Variants in NDUFA9 observed in about 807,000 individuals in gnomAD.
NDUFA9 encodes NADH dehydrogenase [ubiquinone] 1 alpha subcomplex subunit 9, mitochondrial.
NDUFA9 carries 23 observed loss-of-function variants against 45.9 expected under a neutral mutation model. The ratio of observed to expected loss-of-function variants is 0.50; its 90% CI spans 0.36 to 0.71. The LOEUF (loss-of-function observed/expected upper bound fraction) is 0.71, where lower values mean the gene tolerates loss of function less well. NDUFA9 is among the 30% of genes least tolerant of loss of function. The probability of loss-of-function intolerance (pLI) is 0.00; values close to 1 mark genes in which losing one functional copy is unlikely to be tolerated. For synonymous variants in NDUFA9, 176 were observed against 170.5 expected (o/e 1.03, Z -0.25); for missense variants, 466 against 488.2 (o/e 0.95, Z 0.43).
chr12:4,682,330 CTGAAAAAG>C, intron 9 of NDUFA9, 30 bp downstream of exon 9: 1 of 1,511,870 alleles, frequency 6.6e-7, no homozygotes, highest in Non-Finnish European at 9.2e-7. Context: ...TGTGTGACTT[CTGAAAAAG>C]CCAGCTCCAC....
chr12:4,660,106 G>C (rs1385445700), intron 5 of NDUFA9, among the ~76,000 whole-genome samples: 1 of 152,138 alleles, frequency 6.6e-6, no homozygotes, highest in Admixed American at 6.5e-5. Context: ...GAAGCCACTG[G>C]GTAGATGATA....
intron 6 of NDUFA9, among the ~76,000 whole-genome samples, chr12:4,665,971 AAAT>A (rs920718199): frequency 6.6e-6 from 1 of 151,940 alleles, no homozygotes; most frequent in Non-Finnish European, 1.5e-5. Flanking sequence ...CTGGCTTAAA[AAAT>A]ATATATATTT....
intron 3 of NDUFA9, 101 bp downstream of exon 3, chr12:4,655,023 A>G (rs1945781708): frequency 1.1e-6 from 1 of 939,166 alleles, no homozygotes; most frequent in Non-Finnish European, 1.6e-6. Flanking sequence ...TCTTCCCAGA[A>G]TGGACCAAAG....
At chr12:4,680,117 A>G (rs754693024) in intron 8 of NDUFA9, among the ~76,000 whole-genome samples, 35 of 152,180 alleles carry the variant, frequency 2.3e-4, no homozygotes, top group African/African-American at 2.4e-5. Flanking sequence ...AGTGGGTCAG[A>G]AAAGTGTGTG....
In NDUFA9 at chr12:4,656,066, C is replaced by T. The variant is rs531533433; in HGVS notation, c.318+1144C>T. On this transcript the variant is annotated intron_variant, in intron 3 of 10. Coordinates refer to ENST00000266544, the MANE Select transcript of NDUFA9 (RefSeq NM_005002.5). ...TATACATTTTCCCTTTTAAAAAATA[C>T]TTGCTAAACTTTCTTACTATCTCTG... 3 of 152,322 alleles carry T rather than the reference C, an allele frequency of 2.0e-5. No individual in the cohort carries two copies. The South Asian group carries it at 6.2e-4, about 32-fold the overall frequency. The allele number at this position is 152,322 out of a possible 1,614,324, so 9.4% of individuals were successfully genotyped here.
Position 4,659,009 on chromosome 12 carries a change from C to T in NDUFA9, c.411-27C>T, listed in dbSNP as rs1401676399. 5.0e-6 allele frequency: 8 copies of T among 1,604,048 alleles called. No homozygotes were observed. In the East Asian group the frequency reaches 1.3e-4, roughly 27 times the overall value. ...GAGATCCTGTGTGTGGAGTTCTTAA[C>T]CAATCCTTTTATTTTTTATCTTCCA... On this transcript the variant is annotated intron_variant, in intron 4 of 10. Transcript: ENST00000266544.
intron 6 of NDUFA9, among the ~76,000 whole-genome samples, chr12:4,664,413 T>C (rs779698788): frequency 2.2e-4 from 33 of 152,222 alleles, no homozygotes; most frequent in Non-Finnish European, 7.3e-5. Flanking sequence ...CACAGAGCTA[T>C]TTGGCTGTGA....
At chr12:4,668,599 TG>T in intron 7 of NDUFA9, 75 bp downstream of exon 7, 1 of 1,345,164 alleles carries the variant, frequency 7.4e-7, no homozygotes, top group Non-Finnish European at 1.1e-6. Flanking sequence ...TTTCTGGTTT[TG>T]TCCTAATTTA....
intron 1 of NDUFA9, chr12:4,653,480 C>T (rs1945771059): frequency 5.9e-6 from 2 of 339,562 alleles, no homozygotes; most frequent in South Asian, 4.8e-5. Context: ...TCTTTGCACA[C>T]ATGCTGTAGA....
intron 1 of NDUFA9, among the ~76,000 whole-genome samples, chr12:4,650,194 G>A (rs1398645398): frequency 6.6e-6 from 1 of 152,146 alleles, no homozygotes; most frequent in Non-Finnish European, 1.5e-5. Flanking sequence ...ACCACAGATA[G>A]GCTTGATGTT....
At position 4,661,533 on chromosome 12, in the gene NDUFA9, GTTC is replaced by G. The variant is rs146213662; in HGVS notation, c.553-995_553-993del. On this transcript the variant is annotated intron_variant, in intron 5 of 10. Coordinates refer to ENST00000266544, the MANE Select transcript of NDUFA9 (RefSeq NM_005002.5). ...GCATGGCCCAAGGGAGGCCAATGGA[GTTC>G]TTCTAGGATTAGAATTTTGCCTGGT... Among the ~76,000 whole-genome samples, 277 of 152,058 alleles carry G rather than the reference GTTC, an allele frequency of 1.8e-3. 3 individuals are homozygous for G. In the East Asian group the frequency reaches 0.029, roughly 16 times the overall value.
At chr12:4,662,024 C>T (rs907980884) in intron 5 of NDUFA9, among the ~76,000 whole-genome samples, 6 of 152,108 alleles carry the variant, frequency 3.9e-5, no homozygotes, top group African/African-American at 9.7e-5. Flanking sequence ...ATATCTTCAT[C>T]GAACAAGAAG....
chr12:4,668,622 A>G (rs1945867460), intron 7 of NDUFA9, 98 bp downstream of exon 7: 1 of 1,116,104 alleles, frequency 9.0e-7, no homozygotes, highest in Non-Finnish European at 1.4e-6. Flanking sequence ...TAACTCTGTC[A>G]TTTTCTTTGT....
intron 6 of NDUFA9, chr12:4,667,512 CT>C (rs11335422): frequency 0.46 from 72,580 of 156,866 alleles, 13,132 homozygotes; most frequent in African/African-American, 0.51. Flanking sequence ...AATTTCTACT[CT>C]TTTTTTTTTT....
chr12:4,687,255 G>A lies in NDUFA9; in HGVS notation c.*147G>A, dbSNP rs1945993502. The A allele has an allele frequency of 1.2e-5, 9 of 728,610 alleles. No homozygotes were observed. The highest frequency in any genetic ancestry group is 6.3e-6 in the Non-Finnish European group (3 of 479,224). The allele number at this position is 728,610 out of a possible 1,614,324, so 45.1% of individuals were successfully genotyped here. A position where few individuals can be genotyped will look rare whatever the true frequency, so the allele number is the denominator to read the frequency against. Reference sequence around the variant, plus strand: ...TGAATTCTGCAGTATTTTCTTCCTTGATTTACAAAATGAGAAATGTAGTCA... The same window carrying A: ...TGAATTCTGCAGTATTTTCTTCCTTAATTTACAAAATGAGAAATGTAGTCA... On this transcript the variant is annotated 3_prime_UTR_variant, in exon 11 of 11. Transcript: ENST00000266544.
intron 6 of NDUFA9, among the ~76,000 whole-genome samples, chr12:4,667,199 T>C (rs1423323290): frequency 6.6e-6 from 1 of 152,168 alleles, no homozygotes; most frequent in Non-Finnish European, 1.5e-5. Flanking sequence ...GCTAGCTGAA[T>C]GCTTCATGAA....
chr12:4,652,727 A>G (rs1342690224), intron 1 of NDUFA9, among the ~76,000 whole-genome samples: 1 of 152,256 alleles, frequency 6.6e-6, no homozygotes, highest in African/African-American at 2.4e-5. Context: ...GATAGCATTA[A>G]AAAAGATAAT....
At chr12:4,686,714 C>T (rs1321667872) in intron 10 of NDUFA9, among the ~76,000 whole-genome samples, 1 of 152,130 alleles carries the variant, frequency 6.6e-6, no homozygotes, top group Non-Finnish European at 1.5e-5. Flanking sequence ...CTGGGGACCT[C>T]GATCTGATAC....
Position 4,693,568 on chromosome 12 carries a change from C to A in NDUFA9, c.*6460C>A, listed in dbSNP as rs1393126759. 1 of 152,176 alleles carries A rather than the reference C, an allele frequency of 6.6e-6. No homozygotes were observed. Among genetic ancestry groups the A allele is most frequent in the Non-Finnish European group, 1.5e-5 (1 of 68,068 alleles). The allele number at this position is 152,176 out of a possible 1,614,324, so 9.4% of individuals were successfully genotyped here. A position where few individuals can be genotyped will look rare whatever the true frequency, so the allele number is the denominator to read the frequency against. On this transcript the variant is annotated 3_prime_UTR_variant, in exon 11 of 11. Transcript: ENST00000266544. ...GGGTCTTTGCTGACAGATGTCTGGG[C>A]CTTCTTGACAGCAGGTGTTTAAAGC...
Sources: gnomAD v4.1 joint callset for allele counts (sites outside exome capture counted in the v4.1 genomes callset) on GRCh38, gnomAD v4.1.1 for gene constraint, MANE v1.5 for transcripts, NCBI Gene and HGNC (gene_info 2026-07-23, HGNC 2026-07-21) for gene names.